GRM1: variants seen among roughly 807,000 people sequenced by gnomAD.
The protein encoded by GRM1 is glutamate metabotropic receptor 1, also known as metabotropic glutamate receptor 1.
In GRM1, 33 loss-of-function variants were observed where a neutral mutation model predicts 90.9. The observed-to-expected ratio is 0.36, with a 90% CI of 0.28 to 0.49. GRM1 has a LOEUF of 0.49. Among genes scored for constraint, GRM1 ranks in the 20% least tolerant of loss-of-function variants. The pLI is 0.99. For missense variants in GRM1, 1,190 were observed against 1,534.3 expected, an observed-to-expected ratio of 0.78 and a Z score of 3.75; for synonymous variants, 700 against 613.2, an observed-to-expected ratio of 1.14 and a Z score of -2.09.
intron 2 of GRM1, among the ~76,000 whole-genome samples, chr6:146,225,251 C>T (rs1174960689): frequency 2.0e-5 from 3 of 152,068 alleles, no homozygotes; most frequent in Admixed American, 2.0e-4. Flanking sequence ...TATGAGATGT[C>T]TCAGATATGG....
chr6:146,087,584 A>G (rs1016977250), intron 1 of GRM1, among the ~76,000 whole-genome samples: 4 of 152,124 alleles, frequency 2.6e-5, no homozygotes, highest in African/African-American at 7.2e-5. Flanking sequence ...TGGTGGTCAC[A>G]CCCACACTCT....
At chr6:146,054,205 T>C (rs1405738055) in intron 1 of GRM1, among the ~76,000 whole-genome samples, 1 of 152,192 alleles carries the variant, frequency 6.6e-6, no homozygotes, top group East Asian at 1.9e-4. Context: ...GATGTTTGAT[T>C]TGTTCTGATT....
In GRM1 at chr6:146,255,925, A is replaced by G. The variant is rs141276815; in HGVS notation, c.951-48686A>G. 3.0e-3 allele frequency among the ~76,000 whole-genome samples: 461 copies of G among 152,268 alleles called. 3 individuals are homozygous for G. The highest frequency in any genetic ancestry group is 0.011 in the African/African-American group (441 of 41,558). On this transcript the variant is annotated intron_variant, in intron 2 of 7. Coordinates refer to ENST00000282753, the MANE Select transcript of GRM1 (RefSeq NM_001278064.2). ...TCTTCCCTGAGTCTCTCATGACAATATCCAAGATGTGTATTTGTTTCAGTT... is the reference window on the plus strand; with the variant it reads ...TCTTCCCTGAGTCTCTCATGACAATGTCCAAGATGTGTATTTGTTTCAGTT...
At chr6:146,266,618 G>A (rs1781896671) in intron 2 of GRM1, among the ~76,000 whole-genome samples, 1 of 152,170 alleles carries the variant, frequency 6.6e-6, no homozygotes, top group Non-Finnish European at 1.5e-5. Flanking sequence ...CACTCCCGCT[G>A]TCCTAGTGAA....
chr6:146,152,495 A>C (rs1182884136), intron 1 of GRM1, among the ~76,000 whole-genome samples: 1 of 151,998 alleles, frequency 6.6e-6, no homozygotes, highest in Non-Finnish European at 1.5e-5. Context: ...CCATGGAGGA[A>C]GCAGTACAAA....
At chr6:146,248,725 A>G (rs1781164346) in intron 2 of GRM1, among the ~76,000 whole-genome samples, 1 of 152,232 alleles carries the variant, frequency 6.6e-6, no homozygotes, top group South Asian at 2.1e-4. Flanking sequence ...GGTAACAGGC[A>G]GAGATTGAAA....
chr6:146,357,795 G>T, intron 5 of GRM1, 101 bp downstream of exon 5: 1 of 926,298 alleles, frequency 1.1e-6, no homozygotes, highest in Non-Finnish European at 1.7e-6. Context: ...TAACTGTCTA[G>T]AAAGGGTGTG....
intron 1 of GRM1, among the ~76,000 whole-genome samples, chr6:146,065,152 C>G (rs547100603): frequency 6.6e-6 from 1 of 152,104 alleles, no homozygotes; most frequent in African/African-American, 2.4e-5. Flanking sequence ...CAGGAGAAAG[C>G]CTTCTTAATG....
At chr6:146,104,301 G>A (rs1583007075) in intron 1 of GRM1, among the ~76,000 whole-genome samples, 2 of 152,214 alleles carry the variant, frequency 1.3e-5, no homozygotes, top group South Asian at 2.1e-4. Flanking sequence ...TTAGCCAGGC[G>A]TGGTGGCGGG....
rs1582897544 is a variant in GRM1 at position 146,029,445 on chromosome 6, T to G, written c.-73T>G. On this transcript the variant is annotated 5_prime_UTR_variant, in exon 1 of 8. Transcript: ENST00000282753. ...GAGGCGGCGCTGGGCGTCTTGGGGG[T>G]GCGCGCCGGGAGCCTGCAGCGGGAC... The G allele has an allele frequency of 8.3e-7, 1 of 1,212,102 alleles. No individual in the cohort carries two copies. 75.1% of individuals were successfully genotyped at this position (1,212,102 alleles called of 1,614,324 possible).
chr6:146,419,708 C>T (rs1777918177), intron 7 of GRM1, among the ~76,000 whole-genome samples: 1 of 152,114 alleles, frequency 6.6e-6, no homozygotes, highest in Non-Finnish European at 1.5e-5. Context: ...CTTACCATGG[C>T]AGAGCAGGAA....
intron 1 of GRM1, among the ~76,000 whole-genome samples, chr6:146,059,283 T>C (rs751651227): frequency 6.6e-6 from 1 of 152,140 alleles, no homozygotes; most frequent in African/African-American, 2.4e-5. Flanking sequence ...GAAAACAACA[T>C]TAATCTTCCT....
intron 1 of GRM1, among the ~76,000 whole-genome samples, chr6:146,038,889 T>C (rs1448823526): frequency 6.6e-6 from 1 of 151,998 alleles, no homozygotes; most frequent in East Asian, 1.9e-4. Context: ...AAAGGTTATA[T>C]CAGGATATTG....
At chr6:146,055,668 A>G (rs544700001) in intron 1 of GRM1, among the ~76,000 whole-genome samples, 1 of 152,132 alleles carries the variant, frequency 6.6e-6, no homozygotes, top group African/African-American at 2.4e-5. Flanking sequence ...GCACGTAGGC[A>G]GCATGTAGAG....
chr6:146,038,786 A>G lies in GRM1; in HGVS notation c.700+8569A>G, dbSNP rs958053432. ...TCTCTGTGGTGCTATAACACATTTT[A>G]TAATTTGTTTGTTATAAAAGGTAGA... On this transcript the variant is annotated intron_variant, in intron 1 of 7. Coordinates refer to ENST00000282753, the MANE Select transcript of GRM1 (RefSeq NM_001278064.2). Among the ~76,000 whole-genome samples the G allele has an allele frequency of 2.6e-5, 4 of 152,088 alleles. No homozygotes were observed. The Middle Eastern group carries it at 0.01, about 388-fold the overall frequency.
chr6:146,396,611 C>A (rs937939532), intron 6 of GRM1, among the ~76,000 whole-genome samples: 1 of 151,812 alleles, frequency 6.6e-6, no homozygotes, highest in Non-Finnish European at 1.5e-5. Flanking sequence ...AACACACAAA[C>A]AAAACAGAAA....
intron 1 of GRM1, among the ~76,000 whole-genome samples, chr6:146,109,772 G>A (rs1775481251): frequency 6.6e-6 from 1 of 152,180 alleles, no homozygotes; most frequent in African/African-American, 2.4e-5. Context: ...CAAAGCTACA[G>A]GGGTGGAGCT....
At chr6:146,028,232 A>AGTGTGT (rs60190108), upstream of GRM1, among the ~76,000 whole-genome samples, 590 of 130,324 alleles carry the variant, frequency 4.5e-3, 6 homozygotes, top group African/African-American at 0.01. Flanking sequence ...AGTGGAAGGG[A>AGTGTGT]GTGTGTGTGT....
chr6:146,189,504 T>C (rs1177002874), intron 2 of GRM1, among the ~76,000 whole-genome samples: 1 of 152,224 alleles, frequency 6.6e-6, no homozygotes, highest in East Asian at 1.9e-4. Flanking sequence ...CTATAAGCAT[T>C]CTGGTCTGTC....
Sources: allele counts gnomAD v4.1 joint callset (sites outside exome capture counted in the v4.1 genomes callset), GRCh38; gene constraint gnomAD v4.1.1; transcripts MANE v1.5; gene names NCBI Gene and HGNC (gene_info 2026-07-23, HGNC 2026-07-21).